The following NR3C2 variants were observed in gnomAD, a reference collection of about 807,000 sequenced individuals.
NR3C2 encodes nuclear receptor subfamily 3 group C member 2, also known as mineralocorticoid receptor.
A neutral mutation model predicts 86.4 loss-of-function variants in NR3C2; 15 were observed. The ratio of observed to expected loss-of-function variants is 0.17; its 90% CI spans 0.12 to 0.27. The LOEUF (loss-of-function observed/expected upper bound fraction) is 0.27, where lower values mean the gene tolerates loss of function less well. Among genes scored for constraint, NR3C2 ranks in the 10% least tolerant of loss-of-function variants. The pLI, the probability that NR3C2 is intolerant of heterozygous loss-of-function variation, is 1.00. For missense variants in NR3C2, 960 were observed against 1,195.6 expected, an observed-to-expected ratio of 0.80 and a Z score of 2.91; for synonymous variants, 458 against 450.5, an observed-to-expected ratio of 1.02 and a Z score of -0.21.
chr4:148,375,476 AC>A (rs1746631019), intron 2 of NR3C2, among the ~76,000 whole-genome samples: 1 of 150,374 alleles, frequency 6.7e-6, no homozygotes, highest in African/African-American at 2.5e-5. Context: ...AAAAAAAAAA[AC>A]CCTGCAAAAT....
chr4:148,414,538 T>A (rs1272733816), intron 2 of NR3C2, among the ~76,000 whole-genome samples: 1 of 152,214 alleles, frequency 6.6e-6, no homozygotes, highest in Non-Finnish European at 1.5e-5. Context: ...TCAGTTCAAC[T>A]AATTCAACTT....
chr4:148,154,916 A>G lies in NR3C2; in HGVS notation c.2015-15T>C. On this transcript the variant is annotated splice_polypyrimidine_tract_variant and intron_variant, in intron 4 of 8. Transcript: ENST00000358102. The stretch of plus-strand genomic sequence containing the variant: ...TGACTTTCGTGCTATAAGAAACCAT[A>G]AATGATAAGGCCAAATTAAAATTAT... 4.5e-6 allele frequency: 7 copies of G among 1,540,896 alleles called. No individual in the cohort carries two copies. The highest frequency in any genetic ancestry group is 6.1e-6 in the Non-Finnish European group (7 of 1,139,266).
At chr4:148,411,098 TTTGGCTGG>T (rs1386015471) in intron 2 of NR3C2, among the ~76,000 whole-genome samples, 2 of 152,168 alleles carry the variant, frequency 1.3e-5, no homozygotes, top group Middle Eastern at 3.2e-3. Context: ...TGTCTTTCAT[TTTGGCTGG>T]TTGCATCAAC....
At chr4:148,355,057 A>G (rs1006043514) in intron 2 of NR3C2, among the ~76,000 whole-genome samples, 1 of 152,180 alleles carries the variant, frequency 6.6e-6, no homozygotes, top group African/African-American at 2.4e-5. Context: ...AATGGAATTG[A>G]ACAAAATTAA....
chr4:148,299,075 G>C (rs1429071552), intron 2 of NR3C2, among the ~76,000 whole-genome samples: 2 of 152,132 alleles, frequency 1.3e-5, no homozygotes, highest in Non-Finnish European at 2.9e-5. Context: ...GAGCCTATTG[G>C]CAGAACCTCC....
intron 2 of NR3C2, among the ~76,000 whole-genome samples, chr4:148,266,541 G>C (rs1740406261): frequency 6.6e-6 from 1 of 152,228 alleles, no homozygotes; most frequent in Non-Finnish European, 1.5e-5. Context: ...AGGAAGGAAA[G>C]ATGAGAGGGT....
intron 2 of NR3C2, among the ~76,000 whole-genome samples, chr4:148,429,985 G>C (rs1159140778): frequency 6.6e-6 from 1 of 152,146 alleles, no homozygotes; most frequent in Non-Finnish European, 1.5e-5. Context: ...AAAACATAAT[G>C]ACATCAAAGT....
intron 1 of NR3C2, among the ~76,000 whole-genome samples, chr4:148,440,035 CA>C (rs1443089296): frequency 1.3e-5 from 2 of 152,326 alleles, no homozygotes; most frequent in East Asian, 1.9e-4. Context: ...AAGGAATTTG[CA>C]AAAGGCTTTG....
intron 3 of NR3C2, among the ~76,000 whole-genome samples, chr4:148,196,848 A>G (rs1736464704): frequency 6.6e-6 from 1 of 152,150 alleles, no homozygotes; most frequent in Admixed American, 6.5e-5. Flanking sequence ...ACACAAAGGC[A>G]ATCAATATCC....
chr4:148,253,420 G>C (rs1739671460), intron 3 of NR3C2, among the ~76,000 whole-genome samples: 1 of 152,184 alleles, frequency 6.6e-6, no homozygotes, highest in Non-Finnish European at 1.5e-5. Context: ...CTGTGTGCAA[G>C]TTGGAAATAG....
intron 2 of NR3C2, among the ~76,000 whole-genome samples, chr4:148,294,874 G>C (rs560856514): frequency 6.6e-6 from 1 of 152,192 alleles, no homozygotes; most frequent in South Asian, 2.1e-4. Context: ...TGTTGTCCCA[G>C]CTACTAAAGA....
chr4:148,403,996 C>T (rs1215979386), intron 2 of NR3C2, among the ~76,000 whole-genome samples: 1 of 151,976 alleles, frequency 6.6e-6, no homozygotes, highest in Non-Finnish European at 1.5e-5. Flanking sequence ...GGTATTATCC[C>T]CATTTCTTGG....
intron 6 of NR3C2, among the ~76,000 whole-genome samples, chr4:148,141,587 T>C (rs921504493): frequency 2.0e-5 from 3 of 152,214 alleles, no homozygotes; most frequent in Non-Finnish European, 2.9e-5. Flanking sequence ...GATTGAGATA[T>C]AAAAGAAGTA....
chr4:148,251,741 A>G (rs1281647809), intron 3 of NR3C2, among the ~76,000 whole-genome samples: 1 of 152,308 alleles, frequency 6.6e-6, no homozygotes, highest in East Asian at 1.9e-4. Context: ...TTATATATGA[A>G]GTTCATTCCT....
chr4:148,280,464 T>C (rs192627594), intron 2 of NR3C2, among the ~76,000 whole-genome samples: 1 of 152,168 alleles, frequency 6.6e-6, no homozygotes, highest in Non-Finnish European at 1.5e-5. Context: ...AGTTTTCACA[T>C]TGCCTTAGCA....
chr4:148,254,292 C>T lies in NR3C2; in HGVS notation c.1897+5686G>A, dbSNP rs546198122. ...TTCAGACCTTCCTTGGAGTCCAGGA[C>T]CTGGTCCCAATCTGCTCATTTAACC... On this transcript the variant is annotated intron_variant, in intron 3 of 8. Transcript: ENST00000358102. Among the ~76,000 whole-genome samples the T allele has an allele frequency of 7.2e-5, 11 of 152,292 alleles. No homozygotes were observed. The South Asian group carries it at 2.3e-3, about 32-fold the overall frequency.
In NR3C2 at chr4:148,274,084, T is replaced by TGA. The variant is rs200799906; in HGVS notation, c.1758-13969_1758-13968dup. On this transcript the variant is annotated intron_variant, in intron 2 of 8. Coordinates refer to ENST00000358102, the MANE Select transcript of NR3C2 (RefSeq NM_000901.5). ...TTGACAGGTAATAAAAGGCAGCTCA[T>TGA]GAGAAAAAAAAAAAAAAGGTAATAC... Among the ~76,000 whole-genome samples, 593 of 125,134 alleles carry TGA rather than the reference T, an allele frequency of 4.7e-3. 21 individuals are homozygous for TGA. The highest frequency in any genetic ancestry group is 0.044 in the Admixed American group (517 of 11,846). 82.1% of individuals were successfully genotyped at this position (125,134 alleles called of 152,430 possible). A position where few individuals can be genotyped will look rare whatever the true frequency, so the allele number is the denominator to read the frequency against.
intron 2 of NR3C2, among the ~76,000 whole-genome samples, chr4:148,331,453 A>C (rs1008315972): frequency 1.4e-4 from 21 of 152,208 alleles, no homozygotes; most frequent in Admixed American, 7.2e-4. Context: ...TGGCCAAGGT[A>C]ATTCTCCTGA....
intron 2 of NR3C2, among the ~76,000 whole-genome samples, chr4:148,428,690 G>A (rs1252559042): frequency 6.6e-6 from 1 of 151,946 alleles, no homozygotes; most frequent in African/African-American, 2.4e-5. Flanking sequence ...GCTTACATAG[G>A]CTTTTTCTGT....
Sources: allele counts gnomAD v4.1 joint callset (sites outside exome capture counted in the v4.1 genomes callset), GRCh38; gene constraint gnomAD v4.1.1; transcripts MANE v1.5; gene names NCBI Gene and HGNC (gene_info 2026-07-23, HGNC 2026-07-21).